SIPA1L2: variants seen among roughly 807,000 people sequenced by gnomAD.
SIPA1L2 encodes signal-induced proliferation-associated 1-like protein 2.
SIPA1L2 carries 56 observed loss-of-function variants against 163.9 expected under a neutral mutation model. The observed-to-expected ratio is 0.34, with a 90% CI of 0.28 to 0.43. The LOEUF is 0.43. Among genes scored for constraint, SIPA1L2 ranks in the 20% least tolerant of loss-of-function variants. The pLI is 1.00. For missense variants in SIPA1L2, 1,974 were observed against 2,193.5 expected, an observed-to-expected ratio of 0.90 and a Z score of 2.00; for synonymous variants, 877 against 865.7, an observed-to-expected ratio of 1.01 and a Z score of -0.23.
At chr1:232,581,562 C>CT (rs894189822) in intron 1 of SIPA1L2, among the ~76,000 whole-genome samples, 2 of 152,140 alleles carry the variant, frequency 1.3e-5, no homozygotes, top group African/African-American at 2.4e-5. Context: ...CTATGCCTTT[C>CT]TTTTTTTGCT....
chr1:232,532,451 C>T (rs1056815244), intron 2 of SIPA1L2, among the ~76,000 whole-genome samples: 4 of 152,164 alleles, frequency 2.6e-5, no homozygotes, highest in Non-Finnish European at 5.9e-5. Flanking sequence ...AGTATTTTTG[C>T]TGTTGTCATC....
In SIPA1L2 at chr1:232,611,337, T is replaced by A. The variant is rs537602432; in HGVS notation, c.-319+18532A>T. Among the ~76,000 whole-genome samples, 293 of 152,040 alleles carry A rather than the reference T, an allele frequency of 1.9e-3. 2 individuals are homozygous for A. Among genetic ancestry groups the A allele is most frequent in the Non-Finnish European group, 2.5e-3 (173 of 67,988 alleles). ...GCGTTGCTGAAAAGACACCTGAAAA[T>A]GTGGGAGCGACTTTGCTGACTGTTA... On this transcript the variant is annotated intron_variant, in intron 1 of 22. Coordinates refer to ENST00000674635, the MANE Select transcript of SIPA1L2 (RefSeq NM_020808.5).
At chr1:232,461,595 T>C (rs1362747224) in intron 9 of SIPA1L2, among the ~76,000 whole-genome samples, 6 of 152,308 alleles carry the variant, frequency 3.9e-5, no homozygotes, top group Admixed American at 1.3e-4. Context: ...ATGGAAAACC[T>C]GTAAAGACTT....
Position 232,432,449 on chromosome 1 carries a change from G to A in SIPA1L2, c.4054C>T (p.Pro1352Ser), listed in dbSNP as rs1432041726. 1 of 1,614,096 alleles carries A rather than the reference G, an allele frequency of 6.2e-7. No individual in the cohort carries two copies. The highest frequency in any genetic ancestry group is 1.3e-5 in the African/African-American group (1 of 74,924). The change falls in exon 16 of 23, where the codon CCT (proline) becomes TCT (serine). Residue 1352 changes from proline to serine, a missense_variant. By Grantham distance (74) the Pro-to-Ser change is moderately conservative (BLOSUM62 -1). Coordinates refer to ENST00000674635, the MANE Select transcript of SIPA1L2 (RefSeq NM_020808.5). The part of the protein sequence containing the change: ...HSSGSHHSGS[P>S]SAHCSKSSGS... ...CTACTTTTTGAACAGTGAGCTGAAG[G>A]GCTTCCTGAATGGTGAGAACCACTG...
At chr1:232,471,560 A>C in intron 7 of SIPA1L2, 32 bp from the exon 8 acceptor site, 2 of 1,560,422 alleles carry the variant, frequency 1.3e-6, no homozygotes, top group Non-Finnish European at 8.6e-7. Flanking sequence ...GTTACAAATA[A>C]GTTTTTCTTT....
chr1:232,567,293 A>G (rs1212407276), intron 2 of SIPA1L2, among the ~76,000 whole-genome samples: 1 of 152,262 alleles, frequency 6.6e-6, no homozygotes, highest in Non-Finnish European at 1.5e-5. Flanking sequence ...AATAATAATT[A>G]TTCAACAGAA....
At chr1:232,522,173 A>G (rs1178081255) in intron 2 of SIPA1L2, among the ~76,000 whole-genome samples, 3 of 152,176 alleles carry the variant, frequency 2.0e-5, no homozygotes, top group African/African-American at 7.2e-5. Flanking sequence ...TAGTTCTCCT[A>G]GATTATAATG....
At chr1:232,439,008 T>C in intron 15 of SIPA1L2, 100 bp downstream of exon 15, 4 of 1,265,344 alleles carry the variant, frequency 3.2e-6, no homozygotes, top group Non-Finnish European at 4.2e-6. Context: ...CCAACCTACC[T>C]GATGCCCCTA....
chr1:232,523,593 G>C (rs1667552152), intron 2 of SIPA1L2, among the ~76,000 whole-genome samples: 1 of 152,110 alleles, frequency 6.6e-6, no homozygotes, highest in Non-Finnish European at 1.5e-5. Flanking sequence ...TTCTTTAAAT[G>C]AATGTTTAGT....
chr1:232,414,230 T>C (rs1485164270), intron 19 of SIPA1L2, among the ~76,000 whole-genome samples: 2 of 152,202 alleles, frequency 1.3e-5, no homozygotes, highest in Non-Finnish European at 2.9e-5. Flanking sequence ...AGCTTCCTCC[T>C]AGCAAGCTGC....
chr1:232,508,235 C>T (rs1393426050), intron 3 of SIPA1L2, among the ~76,000 whole-genome samples: 1 of 152,158 alleles, frequency 6.6e-6, no homozygotes, highest in Non-Finnish European at 1.5e-5. Context: ...GGAGGCCCAG[C>T]TTCATCCTCC....
intron 10 of SIPA1L2, among the ~76,000 whole-genome samples, chr1:232,460,052 C>T (rs545672716): frequency 2.8e-4 from 42 of 152,106 alleles, no homozygotes; most frequent in Non-Finnish European, 6.0e-4. Flanking sequence ...GCTCTTAAGG[C>T]TGCCTGTACG....
chr1:232,560,706 T>C (rs549312811), intron 2 of SIPA1L2, among the ~76,000 whole-genome samples: 2 of 152,180 alleles, frequency 1.3e-5, no homozygotes, highest in East Asian at 3.9e-4. Flanking sequence ...CCCTGGGCCA[T>C]GTACTGAGAA....
intron 2 of SIPA1L2, among the ~76,000 whole-genome samples, chr1:232,559,220 T>A (rs1658897358): frequency 1.3e-5 from 2 of 152,154 alleles, no homozygotes; most frequent in African/African-American, 4.8e-5. Context: ...CCAGACTGAG[T>A]AAATATTTTC....
chr1:232,413,337 A>G (rs2102771709), intron 19 of SIPA1L2, among the ~76,000 whole-genome samples: 1 of 152,366 alleles, frequency 6.6e-6, no homozygotes, highest in East Asian at 1.9e-4. Context: ...AAATGGCTGA[A>G]GTTATGACCG....
At chr1:232,619,314 C>T (rs1348936005) in intron 1 of SIPA1L2, among the ~76,000 whole-genome samples, 1 of 152,232 alleles carries the variant, frequency 6.6e-6, no homozygotes, top group African/African-American at 2.4e-5. Context: ...CACAGTCTTT[C>T]ATCTGAAAGA....
At chr1:232,496,329 C>T (rs963242237) in intron 3 of SIPA1L2, among the ~76,000 whole-genome samples, 3 of 152,162 alleles carry the variant, frequency 2.0e-5, no homozygotes, top group African/African-American at 7.2e-5. Context: ...ATACCACAGA[C>T]GTACAGGCTA....
chr1:232,464,054 A>C (rs1664384083), intron 9 of SIPA1L2, among the ~76,000 whole-genome samples: 1 of 152,148 alleles, frequency 6.6e-6, no homozygotes, highest in African/African-American at 2.4e-5. Context: ...ATTAAAAAAA[A>C]AATTACATCC....
At position 232,465,086 on chromosome 1, in the gene SIPA1L2, G is replaced by A. The variant is rs191951053; in HGVS notation, c.2574C>T (p.His858=). 1.4e-3 allele frequency: 2,332 copies of A among 1,614,080 alleles called. 11 individuals carry two copies. The highest frequency in any genetic ancestry group is 1.2e-3 in the Non-Finnish European group (1,455 of 1,180,012). ...HLFSIGAIMW[H]VIARDFGQSA... ...ACTGGCCGAAGTCCCGGGCTATCAC[G>A]TGCCACATGATGGCCCCAATGCTAA... Residue 858 remains histidine (H), a synonymous_variant, in exon 9 of 23, where the codon CAC becomes CAT. Transcript: ENST00000674635. This position sits in a 1 kb window ranked among gnomAD's most constrained non-coding sequence, Gnocchi z 4.1.
Sources: allele counts gnomAD v4.1 joint callset (sites outside exome capture counted in the v4.1 genomes callset), GRCh38; gene constraint gnomAD v4.1.1; non-coding constraint Gnocchi (gnomAD v3.1); transcripts MANE v1.5; gene names NCBI Gene and HGNC (gene_info 2026-07-23, HGNC 2026-07-21).